Variants in PRDM10 observed in about 807,000 individuals in gnomAD.
The protein encoded by PRDM10 is PR domain zinc finger protein 10.
In PRDM10, 65 loss-of-function variants were observed where a neutral mutation model predicts 133.1. The ratio of observed to expected loss-of-function variants is 0.49; its 90% confidence interval spans 0.40 to 0.60. The LOEUF (loss-of-function observed/expected upper bound fraction) is 0.60. PRDM10 is among the 20% of genes least tolerant of loss of function. The probability of loss-of-function intolerance (pLI) is 0.00; values close to 1 mark genes in which losing one functional copy is unlikely to be tolerated. For synonymous variants in PRDM10, 582 were observed against 580.4 expected, an observed-to-expected ratio of 1.00 and a Z score of -0.04; for missense variants, 1,137 against 1,507.1, an observed-to-expected ratio of 0.75 and a Z score of 4.07.
intron 8 of PRDM10, among the ~76,000 whole-genome samples, chr11:129,936,086 T>C (rs1256612780): frequency 6.6e-6 from 1 of 152,114 alleles, no homozygotes; most frequent in Non-Finnish European, 1.5e-5. Context: ...ACCCGGCCAA[T>C]CATTGAATCA....
Position 129,960,894 on chromosome 11 carries a change from A to G in PRDM10, c.69+2T>C. 6.2e-7 allele frequency: 1 copy of G among 1,614,036 alleles called. No homozygotes were observed. Among genetic ancestry groups the G allele is most frequent in the Non-Finnish European group, 8.5e-7 (1 of 1,180,004 alleles). On this transcript the variant is annotated splice_donor_variant, in intron 2 of 20. Coordinates refer to ENST00000360871, the MANE Select transcript of PRDM10 (RefSeq NM_199437.2). LOFTEE classifies it high-confidence loss of function. The stretch of plus-strand genomic sequence containing the variant: ...ACCAAGCTGGAAAAGACCAGTCTTC[A>G]CCTGTGCGGCATTCTGTTCATGCTC...
In PRDM10 at chr11:129,935,187, G is replaced by C; in HGVS notation, c.1071C>G (p.Cys357Trp). The C allele has an allele frequency of 6.2e-7, 1 of 1,613,998 alleles. No homozygotes were observed. The highest frequency in any genetic ancestry group is 8.5e-7 in the Non-Finnish European group (1 of 1,179,898). ...VLREQEKNWPCYECNRRFISS... is the reference protein window; with the variant it reads ...VLREQEKNWPWYECNRRFISS... ...TTATAAATCGGCGGTTACATTCATA[G>C]CAGGGCCAATTCTTCTCTTGCTCTC... Residue 357 changes from cysteine (C) to tryptophan (W), a missense_variant, in exon 9 of 21, where the codon TGC becomes TGG. Cys to Trp is a radical substitution (Grantham distance 215). Coordinates refer to ENST00000360871, the MANE Select transcript of PRDM10 (RefSeq NM_199437.2).
rs778188061 is a variant in PRDM10, at chr11:129,947,258, T to C, written c.407A>G (p.Glu136Gly). ...AGTGTCCTCGTCCTCATCCTCATCC[T>C]CTTCCTCTTTGGCCTCCAGTCTGCC... ...PLGRLEAKEE[E>G]DEDEDEDTEE... Residue 136 changes from glutamate to glycine, a missense_variant, in exon 5 of 21, where the codon GAG becomes GGG. By Grantham distance (98) the Glu-to-Gly change is moderately conservative (BLOSUM62 -2). Transcript: ENST00000360871. The surrounding 1 kb of genome is among the most constrained non-coding windows in gnomAD (Gnocchi z 4.6). 6.2e-7 allele frequency: 1 copy of C among 1,614,126 alleles called. No individual in the cohort carries two copies. Among genetic ancestry groups the C allele is most frequent in the Non-Finnish European group, 8.5e-7 (1 of 1,180,000 alleles).
chr11:129,994,813 G>A (rs371497412), intron 1 of PRDM10, among the ~76,000 whole-genome samples: 2 of 151,666 alleles, frequency 1.3e-5, no homozygotes, highest in African/African-American at 2.4e-5. Context: ...CACCATGCCC[G>A]GCTAATTTTT....
At chr11:129,965,283 ACATT>A (rs1951882298) in intron 1 of PRDM10, among the ~76,000 whole-genome samples, 1 of 152,170 alleles carries the variant, frequency 6.6e-6, no homozygotes, top group Non-Finnish European at 1.5e-5. Flanking sequence ...ATCTAACAAT[ACATT>A]CCCTGTACAT....
At chr11:129,981,368 A>C (rs909309711) in intron 1 of PRDM10, among the ~76,000 whole-genome samples, 1 of 152,160 alleles carries the variant, frequency 6.6e-6, no homozygotes, top group Non-Finnish European at 1.5e-5. Context: ...CTGACGTTTT[A>C]GTGTCTGTCT....
Position 129,947,081 on chromosome 11 carries a change from C to CACACGT in PRDM10, c.520+58_520+63dup, listed in dbSNP as rs1474857493. The CACACGT allele has an allele frequency of 3.2e-6, 5 of 1,582,020 alleles. No individual in the cohort carries two copies. The South Asian group carries it at 5.8e-5, about 18-fold the overall frequency. On this transcript the variant is annotated intron_variant, in intron 5 of 20. Coordinates refer to ENST00000360871, the MANE Select transcript of PRDM10 (RefSeq NM_199437.2). This position sits in a 1 kb window ranked among gnomAD's most constrained non-coding sequence, Gnocchi z 4.6. ...CACGGGAGCTATGTTCACACACACG[C>CACACGT]ACACGTACACAGACACACAAGATGG...
At chr11:129,961,727 T>C (rs7932808) in intron 1 of PRDM10, among the ~76,000 whole-genome samples, 28,506 of 151,968 alleles carry the variant, frequency 0.19, 4,972 homozygotes, top group East Asian at 0.52. Flanking sequence ...AAAAAAATAA[T>C]AATATAATGT....
chr11:129,935,049 G>T (rs1190776866), intron 9 of PRDM10, 52 bp downstream of exon 9: 3 of 1,467,036 alleles, frequency 2.0e-6, no homozygotes, highest in Non-Finnish European at 2.9e-6. Flanking sequence ...ATATAGAAAT[G>T]ATTCTGAACC....
At chr11:129,963,853 TACG>T (rs1029017202) in intron 1 of PRDM10, among the ~76,000 whole-genome samples, 1 of 152,198 alleles carries the variant, frequency 6.6e-6, no homozygotes, top group East Asian at 1.9e-4. Context: ...TTAAAAAGAA[TACG>T]ACATTTTTTC....
At chr11:129,956,692 G>A (rs184668366) in intron 3 of PRDM10, among the ~76,000 whole-genome samples, 13 of 152,248 alleles carry the variant, frequency 8.5e-5, no homozygotes, top group African/African-American at 3.1e-4. Context: ...ATATAGGCAG[G>A]GGTATTCCAA....
intron 1 of PRDM10, among the ~76,000 whole-genome samples, chr11:129,980,674 A>C (rs1938053550): frequency 6.6e-6 from 1 of 152,184 alleles, no homozygotes; most frequent in African/African-American, 2.4e-5. Flanking sequence ...GTATTGATCC[A>C]TGCTACAACA....
intron 4 of PRDM10, among the ~76,000 whole-genome samples, chr11:129,952,086 T>A (rs1246076282): frequency 2.0e-5 from 3 of 152,180 alleles, no homozygotes; most frequent in Admixed American, 6.6e-5. Context: ...TGAAGAAAGA[T>A]GCTAAGCCAA....
rs984549962 is a variant in PRDM10, at chr11:129,932,012, T to C, written c.1287+90A>G. 7 of 1,440,194 alleles carry C rather than the reference T, an allele frequency of 4.9e-6. No individual in the cohort carries two copies. In the African/African-American group the frequency reaches 1.0e-4, roughly 21 times the overall value. The allele number at this position is 1,440,194 out of a possible 1,614,324, so 89.2% of individuals were successfully genotyped here. A position where few individuals can be genotyped will look rare whatever the true frequency, so the allele number is the denominator to read the frequency against. Reference sequence around the variant, plus strand: ...TCTGATAGGAAAGGTCTACAAACATTGGGAAGGTCTTTGTACTTAGGTCTC... The same window carrying C: ...TCTGATAGGAAAGGTCTACAAACATCGGGAAGGTCTTTGTACTTAGGTCTC... On this transcript the variant is annotated intron_variant, in intron 10 of 20. Transcript: ENST00000360871.
At chr11:129,969,594 G>A in intron 1 of PRDM10, among the ~76,000 whole-genome samples, 1 of 147,596 alleles carries the variant, frequency 6.8e-6, no homozygotes, top group African/African-American at 2.5e-5. Flanking sequence ...AGTAGTTCGA[G>A]ACCAGCCTGG....
Position 129,947,504 on chromosome 11 carries a change from A to G in PRDM10, c.295-134T>C. ...CCTACCAACTCCTTCCAGGCCCTGG[A>G]AAAATGACTTCCATCTACCGGCTGT... On this transcript the variant is annotated intron_variant, in intron 4 of 20. Coordinates refer to ENST00000360871, the MANE Select transcript of PRDM10 (RefSeq NM_199437.2). The surrounding 1 kb of genome is among the most constrained non-coding windows in gnomAD (Gnocchi z 4.6). 6.6e-7 allele frequency: 1 copy of G among 1,523,698 alleles called. No individual in the cohort carries two copies. Among genetic ancestry groups the G allele is most frequent in the East Asian group, 2.3e-5 (1 of 44,006 alleles). The allele number at this position is 1,523,698 out of a possible 1,614,324, so 94.4% of individuals were successfully genotyped here.
At position 129,944,912 on chromosome 11, in the gene PRDM10, G is replaced by A; in HGVS notation, c.621C>T (p.Ser207=). ...TGTCTATGTAGAGCACCAGGGGGAG[G>A]CTCGCCCTGGCCCGGGTGAGCACCG... ...NRPVLTRARA[S]LPLVLYIDRF... Residue 207 remains serine (S), a synonymous_variant, in exon 6 of 21, where the codon AGC becomes AGT. Coordinates refer to ENST00000360871, the MANE Select transcript of PRDM10 (RefSeq NM_199437.2). 6.2e-7 allele frequency: 1 copy of A among 1,614,058 alleles called. No individual in the cohort carries two copies. The highest frequency in any genetic ancestry group is 8.5e-7 in the Non-Finnish European group (1 of 1,180,022).
In PRDM10 at chr11:129,944,951, C is replaced by A; in HGVS notation, c.582G>T (p.Pro194=). 2 of 1,613,754 alleles carry A rather than the reference C, an allele frequency of 1.2e-6. No homozygotes were observed. Among genetic ancestry groups the A allele is most frequent in the Non-Finnish European group, 1.7e-6 (2 of 1,179,940 alleles). The change falls in exon 6 of 21, where the codon CCG becomes CCT. Residue 194 remains proline (P), a synonymous_variant. Transcript: ENST00000360871. The part of the protein sequence containing the change: ...SVCPKHGPLH[P]IPNRPVLTRA... The stretch of plus-strand genomic sequence containing the variant: ...GGGTGAGCACCGGCCGGTTGGGGAT[C>A]GGGTGCAAGGGGCCGTGCTTCGGAC...
intron 13 of PRDM10, among the ~76,000 whole-genome samples, chr11:129,919,332 A>T (rs2135762414): frequency 6.6e-6 from 1 of 152,268 alleles, no homozygotes; most frequent in African/African-American, 2.4e-5. Flanking sequence ...ACACCACTGC[A>T]CTCCAGCCTG....
Sources: allele counts gnomAD v4.1 joint callset (sites outside exome capture counted in the v4.1 genomes callset), GRCh38; gene constraint gnomAD v4.1.1; non-coding constraint Gnocchi (gnomAD v3.1); transcripts MANE v1.5; gene names NCBI Gene and HGNC (gene_info 2026-07-23, HGNC 2026-07-21).